UBAC2: variants seen among roughly 807,000 people sequenced by gnomAD.
UBAC2 encodes UBA domain containing 2, also known as ubiquitin-associated domain-containing protein 2.
Under a neutral mutation model 44.0 loss-of-function variants are expected in UBAC2, and 26 were observed. The observed-to-expected ratio is 0.59, with a 90% confidence interval of 0.43 to 0.82. The LOEUF (loss-of-function observed/expected upper bound fraction) is 0.82, where lower values mean the gene tolerates loss of function less well. Ranked by LOEUF, UBAC2 falls within the 40% of genes least tolerant of loss-of-function variation. UBAC2 has a pLI of 0.00. For missense variants in UBAC2, 329 were observed against 419.4 expected, an observed-to-expected ratio of 0.78 and a Z score of 1.88; for synonymous variants, 155 against 154.3, an observed-to-expected ratio of 1.00 and a Z score of -0.04.
chr13:99,321,731 T>C (rs2044571696), intron 6 of UBAC2, among the ~76,000 whole-genome samples: 1 of 152,250 alleles, frequency 6.6e-6, no homozygotes, highest in Non-Finnish European at 1.5e-5. Flanking sequence ...GTACAGTATT[T>C]TACTAGGTAA....
chr13:99,365,156 T>G (rs925167536), intron 7 of UBAC2, among the ~76,000 whole-genome samples: 3 of 152,224 alleles, frequency 2.0e-5, no homozygotes, highest in Non-Finnish European at 4.4e-5. Flanking sequence ...TGCCATTATA[T>G]CCCTTGTATT....
chr13:99,385,406 C>A lies in UBAC2; in HGVS notation c.*71C>A. On this transcript the variant is annotated 3_prime_UTR_variant, in exon 9 of 9. Transcript: ENST00000403766. ...TGCGTGGTCCCCACCATCAGATCAG[C>A]CCGGGGACCGAGCATCTCTGGTGCT... 1 of 1,274,808 alleles carries A rather than the reference C, an allele frequency of 7.8e-7. No individual in the cohort carries two copies. Among genetic ancestry groups the A allele is most frequent in the Non-Finnish European group, 1.1e-6 (1 of 881,890 alleles). 79.0% of individuals were successfully genotyped at this position (1,274,808 alleles called of 1,614,324 possible).
rs376613539 is a variant in UBAC2 at position 99,335,366 on chromosome 13, C to G, written c.562-4954C>G. 1.4e-3 allele frequency among the ~76,000 whole-genome samples: 210 copies of G among 148,818 alleles called. 2 individuals carry two copies. Among genetic ancestry groups the G allele is most frequent in the African/African-American group, 5.1e-3 (205 of 40,426 alleles). ...AAAGGCATTTCTACTTCCTTGCCTC[C>G]AATTCATTACTGTTTTTTTTTTTCC... On this transcript the variant is annotated intron_variant, in intron 6 of 8. Coordinates refer to ENST00000403766, the MANE Select transcript of UBAC2 (RefSeq NM_001144072.2).
intron 4 of UBAC2, among the ~76,000 whole-genome samples, chr13:99,262,548 CA>C (rs2043678926): frequency 6.6e-6 from 1 of 151,680 alleles, no homozygotes; most frequent in Non-Finnish European, 1.5e-5. Flanking sequence ...ACTAAAAATA[CA>C]AAAATTAGCT....
At chr13:99,379,801 G>A (rs2045526944) in intron 8 of UBAC2, among the ~76,000 whole-genome samples, 1 of 152,208 alleles carries the variant, frequency 6.6e-6, no homozygotes, top group Non-Finnish European at 1.5e-5. Context: ...CCAACAGCTT[G>A]ACTTTCTGTG....
Position 99,314,100 on chromosome 13 carries a change from G to C in UBAC2, c.393G>C (p.Leu131=), listed in dbSNP as rs2044451926. Reference sequence around the variant, plus strand: ...TTTTTTTTATTTGTTTGCATAGCCTGGCACCTGTGTTTGCTCTGTTTGTAC... The same window carrying C: ...TTTTTTTTATTTGTTTGCATAGCCTCGCACCTGTGTTTGCTCTGTTTGTAC... ...TAASNLPSGF[L]APVFALFVPF... Residue 131 remains leucine, a synonymous_variant, in exon 5 of 9, where the codon CTG becomes CTC. Transcript: ENST00000403766. 1 of 1,604,460 alleles carries C rather than the reference G, an allele frequency of 6.2e-7. No homozygotes were observed. Among genetic ancestry groups the C allele is most frequent in the African/African-American group, 1.3e-5 (1 of 74,428 alleles).
At chr13:99,332,681 C>T (rs1594136337) in intron 6 of UBAC2, among the ~76,000 whole-genome samples, 1 of 152,152 alleles carries the variant, frequency 6.6e-6, no homozygotes, top group Non-Finnish European at 1.5e-5. Context: ...CTTGTCTTCC[C>T]GGGCATATGC....
At position 99,295,983 on chromosome 13, in the gene UBAC2, C is replaced by T. The variant is rs1386507321; in HGVS notation, c.390-18114C>T. On this transcript the variant is annotated intron_variant, in intron 4 of 8. Transcript: ENST00000403766. The surrounding 1 kb of genome is among the most constrained non-coding windows in gnomAD (Gnocchi z 4.1). Reference sequence around the variant, plus strand: ...ATTTTTTTCCTGTTTTGAACAATGACGACCAAGGCTAGTAAGTTTCCCACG... The same window carrying T: ...ATTTTTTTCCTGTTTTGAACAATGATGACCAAGGCTAGTAAGTTTCCCACG... The T allele has an allele frequency of 2.5e-6, 4 of 1,613,552 alleles. No homozygotes were observed. Among genetic ancestry groups the T allele is most frequent in the Non-Finnish European group, 3.4e-6 (4 of 1,179,800 alleles).
intron 7 of UBAC2, among the ~76,000 whole-genome samples, chr13:99,362,709 C>A (rs1166144728): frequency 6.6e-6 from 1 of 152,002 alleles, no homozygotes; most frequent in African/African-American, 2.4e-5. Context: ...ATTTTTTTCT[C>A]ATTGATTTAT....
chr13:99,355,843 C>T (rs1163831486), intron 7 of UBAC2, among the ~76,000 whole-genome samples: 4 of 152,246 alleles, frequency 2.6e-5, no homozygotes, highest in Non-Finnish European at 5.9e-5. Flanking sequence ...CACAGACCCA[C>T]TGGACGCCCT....
At chr13:99,237,417 C>T (rs1033659042) in intron 1 of UBAC2, among the ~76,000 whole-genome samples, 3 of 152,048 alleles carry the variant, frequency 2.0e-5, no homozygotes, top group East Asian at 3.9e-4. Flanking sequence ...TGTTCTCACA[C>T]GTGGAAGCTA....
At chr13:99,232,381 G>GTCC (rs1290502878) in intron 1 of UBAC2, among the ~76,000 whole-genome samples, 1 of 105,674 alleles carries the variant, frequency 9.5e-6, no homozygotes, top group Non-Finnish European at 2.3e-5. Context: ...ACAAGACCCT[G>GTCC]TCCATCCTTA....
chr13:99,359,878 AG>A (rs2138877242), intron 7 of UBAC2, among the ~76,000 whole-genome samples: 1 of 152,308 alleles, frequency 6.6e-6, no homozygotes, highest in Admixed American at 6.5e-5. Context: ...GGTGGCCTGC[AG>A]GGGGCCACCG....
chr13:99,315,088 G>A (rs1210651939), intron 5 of UBAC2, among the ~76,000 whole-genome samples: 1 of 151,996 alleles, frequency 6.6e-6, no homozygotes, highest in African/African-American at 2.4e-5. Context: ...CACTTCTCCA[G>A]TCTGCTGTCA....
Position 99,238,472 on chromosome 13 carries a change from TCTCC to T in UBAC2, c.82_85del (p.Leu28CysfsTer29). The T allele has an allele frequency of 1.2e-6, 2 of 1,613,938 alleles. No homozygotes were observed. ...AGCCTTCTGCTGGTCCCCAGTGCCC[TCTCC>T]CTCCTGCTCGCCCTCCTCCTGCCTC... On this transcript the variant is annotated frameshift_variant, in exon 2 of 9. Transcript: ENST00000403766. LOFTEE classifies it high-confidence loss of function.
chr13:99,215,697 G>A lies in UBAC2; in HGVS notation c.31+14758G>A, dbSNP rs562912449. The A allele has an allele frequency of 2.0e-4, 306 of 1,499,782 alleles. 1 individual carries two copies. The South Asian group carries it at 3.7e-3, about 18-fold the overall frequency. 92.9% of individuals were successfully genotyped at this position (1,499,782 alleles called of 1,614,324 possible). A position where few individuals can be genotyped will look rare whatever the true frequency, so the allele number is the denominator to read the frequency against. On this transcript the variant is annotated intron_variant, in intron 1 of 8. Transcript: ENST00000403766. ...TGGGAACTGCAAGCCGGCTCTCTGCGAGCGGGAAACCGCCTTTGTCTTGGC... is the reference window on the plus strand; with the variant it reads ...TGGGAACTGCAAGCCGGCTCTCTGCAAGCGGGAAACCGCCTTTGTCTTGGC...
intron 7 of UBAC2, among the ~76,000 whole-genome samples, chr13:99,365,498 A>G (rs1420333698): frequency 6.6e-6 from 1 of 151,990 alleles, no homozygotes; most frequent in African/African-American, 2.4e-5. Context: ...TAATAGTTTT[A>G]TTCATTCTTA....
chr13:99,285,941 C>T (rs2044014114), intron 4 of UBAC2, among the ~76,000 whole-genome samples: 1 of 152,078 alleles, frequency 6.6e-6, no homozygotes, highest in Non-Finnish European at 1.5e-5. Context: ...CCTGAAACTC[C>T]CTGATCCCTA....
intron 6 of UBAC2, among the ~76,000 whole-genome samples, chr13:99,338,041 T>TTTTTCTTTTTCTTTTTC: frequency 3.4e-5 from 1 of 29,832 alleles, no homozygotes; most frequent in South Asian, 1.1e-3. Flanking sequence ...CTTTTTTTCT[T>TTTTTCTTTTTCTTTTTC]TTTTTCTTTT....
Sources: gnomAD v4.1 joint callset for allele counts (sites outside exome capture counted in the v4.1 genomes callset) on GRCh38, gnomAD v4.1.1 for gene constraint, Gnocchi (gnomAD v3.1) non-coding constraint, MANE v1.5 for transcripts, NCBI Gene and HGNC (gene_info 2026-07-23, HGNC 2026-07-21) for gene names.